DLGAP1: variants seen among roughly 807,000 people sequenced by gnomAD.
The protein encoded by DLGAP1 is DLG associated protein 1, also known as disks large-associated protein 1.
A neutral mutation model predicts 90.8 loss-of-function variants in DLGAP1; 11 were observed. The observed-to-expected ratio is 0.12, with a 90% CI of 0.08 to 0.20. DLGAP1 has a LOEUF of 0.20. Among genes scored for constraint, DLGAP1 ranks in the 10% least tolerant of loss-of-function variants. The pLI, the probability that DLGAP1 is intolerant of heterozygous loss-of-function variation, is 1.00. For synonymous variants in DLGAP1, 558 were observed against 540.7 expected (o/e 1.03, Z -0.44); for missense variants, 1,050 against 1,333.8 (o/e 0.79, Z 3.31).
chr18:3,813,065 T>A (rs1765091873), intron 5 of DLGAP1, among the ~76,000 whole-genome samples: 1 of 152,218 alleles, frequency 6.6e-6, no homozygotes, highest in African/African-American at 2.4e-5. Flanking sequence ...AAATCAGGTC[T>A]TGCTTAAAAT....
At position 3,535,155 on chromosome 18, in the gene DLGAP1, A is replaced by G. The variant is rs1365043496; in HGVS notation, c.2058-540T>C. Among the ~76,000 whole-genome samples the G allele has an allele frequency of 2.4e-4, 37 of 151,306 alleles. 1 individual carries two copies. The highest frequency in any genetic ancestry group is 2.3e-3 in the Admixed American group (35 of 15,140). On this transcript the variant is annotated intron_variant, in intron 9 of 12. Coordinates refer to ENST00000315677, the MANE Select transcript of DLGAP1 (RefSeq NM_004746.4). ...AGGGGTAGACCCTTGAGGCAAGCAT[A>G]TTGATTGTCATAGCTTCAATGTGAA...
chr18:3,529,631 G>C (rs1024677688), intron 10 of DLGAP1, among the ~76,000 whole-genome samples: 2 of 152,170 alleles, frequency 1.3e-5, no homozygotes, highest in Non-Finnish European at 2.9e-5. Context: ...AATAATTTCT[G>C]TTTTCAGAAA....
intron 9 of DLGAP1, among the ~76,000 whole-genome samples, chr18:3,544,697 GA>G (rs569788288): frequency 3.4e-5 from 5 of 147,780 alleles, no homozygotes; most frequent in Middle Eastern, 3.5e-3. Flanking sequence ...TGTGTACTTG[GA>G]AAAAAAAATG....
intron 1 of DLGAP1, among the ~76,000 whole-genome samples, chr18:4,302,657 T>C (rs959582595): frequency 6.6e-6 from 1 of 152,182 alleles, no homozygotes; most frequent in Non-Finnish European, 1.5e-5. Context: ...GTGTGATACA[T>C]CCAGCTTTGT....
intron 5 of DLGAP1, among the ~76,000 whole-genome samples, chr18:3,782,185 G>C (rs1440848446): frequency 4.7e-5 from 7 of 150,508 alleles, no homozygotes; most frequent in Non-Finnish European, 4.4e-5. Flanking sequence ...TGTCCAGGCT[G>C]GAGTGCAGTG....
intron 7 of DLGAP1, among the ~76,000 whole-genome samples, chr18:3,672,875 C>T (rs980211308): frequency 1.3e-5 from 2 of 152,132 alleles, no homozygotes; most frequent in Non-Finnish European, 1.5e-5. Flanking sequence ...TGGTGGATTC[C>T]TACACCTGTT....
intron 1 of DLGAP1, among the ~76,000 whole-genome samples, chr18:4,257,608 TTTTTTC>T (rs1425828321): frequency 6.6e-6 from 1 of 152,030 alleles, no homozygotes. Context: ...ACAAATTCAT[TTTTTTC>T]TTTTTCTTTT....
At chr18:4,079,334 C>CAT (rs1351865896) in intron 2 of DLGAP1, among the ~76,000 whole-genome samples, 32 of 134,556 alleles carry the variant, frequency 2.4e-4, no homozygotes, top group African/African-American at 8.7e-4. Flanking sequence ...CACACACACA[C>CAT]ACCATGGAAT....
At chr18:3,892,634 T>C (rs1339426157) in intron 3 of DLGAP1, among the ~76,000 whole-genome samples, 1 of 152,080 alleles carries the variant, frequency 6.6e-6, no homozygotes, top group Non-Finnish European at 1.5e-5. Flanking sequence ...ACAATACAAG[T>C]CAGAATCTAA....
chr18:3,947,827 T>C (rs1328240412), intron 3 of DLGAP1, among the ~76,000 whole-genome samples: 1 of 149,802 alleles, frequency 6.7e-6, no homozygotes, highest in Non-Finnish European at 1.5e-5. Flanking sequence ...CCTTTTATAT[T>C]AATAGAAGAA....
chr18:3,977,875 C>A, intron 3 of DLGAP1: 1 of 382,178 alleles, frequency 2.6e-6, no homozygotes, highest in Non-Finnish European at 5.0e-6. Flanking sequence ...CACCACCTTC[C>A]TGATGTCATC....
chr18:4,415,387 T>C (rs1157596806), intron 1 of DLGAP1, among the ~76,000 whole-genome samples: 2 of 152,170 alleles, frequency 1.3e-5, no homozygotes, highest in African/African-American at 2.4e-5. Flanking sequence ...TATTGTGGTG[T>C]TTGTAATATT....
intron 4 of DLGAP1, chr18:3,845,414 T>C (rs2068952455): frequency 1.4e-6 from 2 of 1,381,684 alleles, no homozygotes; most frequent in East Asian, 2.6e-5. Context: ...TGGTTGGTCA[T>C]GGCTCACAAC....
intron 2 of DLGAP1, among the ~76,000 whole-genome samples, chr18:4,061,215 T>C (rs569394996): frequency 2.5e-4 from 38 of 152,210 alleles, no homozygotes; most frequent in Non-Finnish European, 5.1e-4. Flanking sequence ...TAATTTTACA[T>C]GCAGGGCATG....
intron 5 of DLGAP1, among the ~76,000 whole-genome samples, chr18:3,772,487 C>T (rs1555663405): frequency 8.2e-6 from 1 of 121,324 alleles, no homozygotes. Context: ...TTTCTTCTGT[C>T]CCGGAGATCT....
At chr18:4,242,059 AC>A (rs1013470601) in intron 1 of DLGAP1, among the ~76,000 whole-genome samples, 2 of 151,998 alleles carry the variant, frequency 1.3e-5, no homozygotes, top group African/African-American at 2.4e-5. Context: ...CATCATGAAA[AC>A]CATCAGGCGC....
At chr18:3,675,791 G>T (rs1006034915) in intron 7 of DLGAP1, among the ~76,000 whole-genome samples, 3 of 152,194 alleles carry the variant, frequency 2.0e-5, no homozygotes, top group Non-Finnish European at 2.9e-5. Flanking sequence ...GGGCAGAGGG[G>T]ATTTCTCCTT....
intron 1 of DLGAP1, among the ~76,000 whole-genome samples, chr18:4,438,980 T>C (rs2083464855): frequency 6.6e-6 from 1 of 152,190 alleles, no homozygotes; most frequent in Non-Finnish European, 1.5e-5. Flanking sequence ...GCTAGCAATG[T>C]CACGTTAGGA....
intron 3 of DLGAP1, among the ~76,000 whole-genome samples, chr18:3,890,017 T>G (rs1340401091): frequency 6.6e-6 from 1 of 152,088 alleles, no homozygotes; most frequent in Non-Finnish European, 1.5e-5. Flanking sequence ...AGGGTGAGAC[T>G]CTGTGGTCAT....
Sources: allele counts gnomAD v4.1 joint callset (sites outside exome capture counted in the v4.1 genomes callset), GRCh38; gene constraint gnomAD v4.1.1; transcripts MANE v1.5; gene names NCBI Gene and HGNC (gene_info 2026-07-23, HGNC 2026-07-21).